The following PGAP1 variants were observed in gnomAD, a reference collection of about 807,000 sequenced individuals.
PGAP1 encodes the protein GPI inositol-deacylase.
In PGAP1, 76 loss-of-function variants were observed where a neutral mutation model predicts 127.0. That is an observed-to-expected ratio of 0.60 (90% confidence interval 0.50 to 0.72). PGAP1 has a LOEUF of 0.72. Among genes scored for constraint, PGAP1 ranks in the 30% least tolerant of loss-of-function variants. The pLI, the probability that PGAP1 is intolerant of heterozygous loss-of-function variation, is 0.00. For synonymous variants in PGAP1, 362 were observed against 366.5 expected (o/e 0.99, Z 0.14); for missense variants, 982 against 1,071.3 (o/e 0.92, Z 1.16).
In PGAP1 at chr2:196,880,148, C is replaced by A; in HGVS notation, c.1278G>T (p.Leu426=). The A allele has an allele frequency of 2.6e-6, 4 of 1,518,462 alleles. No individual in the cohort carries two copies. In the South Asian group the frequency reaches 3.8e-5, roughly 14 times the overall value. The allele number at this position is 1,518,462 out of a possible 1,614,324, so 94.1% of individuals were successfully genotyped here. The change falls in exon 13 of 27, where the codon CTG becomes CTT. Residue 426 remains leucine (L), a synonymous_variant. Transcript: ENST00000354764. ...KAELLPTIKY[L]TLRLQDYPSL... ...ATGGATAGTCTTGAAGTCTTAATGT[C>A]AGATACTAAAATAAAAAAAAAAGAA...
intron 20 of PGAP1, among the ~76,000 whole-genome samples, chr2:196,857,069 T>C (rs1342696062): frequency 6.6e-6 from 1 of 152,116 alleles, no homozygotes; most frequent in African/African-American, 2.4e-5. Context: ...GAGACAGAAA[T>C]AAAGGGCATC....
At chr2:196,867,207 A>C (rs1701270739) in intron 19 of PGAP1, among the ~76,000 whole-genome samples, 1 of 152,210 alleles carries the variant, frequency 6.6e-6, no homozygotes, top group East Asian at 1.9e-4. Flanking sequence ...GGCACTGTTC[A>C]CAATAGCAAA....
intron 20 of PGAP1, among the ~76,000 whole-genome samples, chr2:196,859,015 A>G (rs977843903): frequency 4.6e-5 from 7 of 152,128 alleles, no homozygotes; most frequent in African/African-American, 1.7e-4. Flanking sequence ...AAAAAATAGG[A>G]AACCTGAACA....
chr2:196,885,137 TTAGAAATCCA>T (rs1236376785), intron 12 of PGAP1, among the ~76,000 whole-genome samples: 1 of 152,202 alleles, frequency 6.6e-6, no homozygotes, highest in Non-Finnish European at 1.5e-5. Flanking sequence ...AAATTGAATG[TTAGAAATCCA>T]TCCAGTTCTT....
chr2:196,882,481 G>A (rs1473079548), intron 12 of PGAP1, among the ~76,000 whole-genome samples: 3 of 152,100 alleles, frequency 2.0e-5, no homozygotes, highest in Non-Finnish European at 4.4e-5. Context: ...CCTATCCATG[G>A]TCATGGAATG....
chr2:196,894,398 A>G (rs1018137392), intron 7 of PGAP1, among the ~76,000 whole-genome samples: 1 of 152,168 alleles, frequency 6.6e-6, no homozygotes, highest in Non-Finnish European at 1.5e-5. Context: ...GAACTTTTAT[A>G]CTAATTGATG....
Position 196,926,533 on chromosome 2 carries a change from G to A in PGAP1, c.84C>T (p.Val28=), listed in dbSNP as rs144502622. The part of the protein sequence containing the change: ...VFLATLGLWD[V]FFGFEENKCS... ...ACTTATTCTCCTCGAAGCCGAAGAAGACATCCCACAGCCCCAGGGTTGCCA... is the reference window on the plus strand; with the variant it reads ...ACTTATTCTCCTCGAAGCCGAAGAAAACATCCCACAGCCCCAGGGTTGCCA... Residue 28 remains valine (V), a synonymous_variant, in exon 1 of 27, where the codon GTC becomes GTT. Coordinates refer to ENST00000354764, the MANE Select transcript of PGAP1 (RefSeq NM_024989.4). 45 of 1,612,684 alleles carry A rather than the reference G, an allele frequency of 2.8e-5. No individual in the cohort carries two copies. The highest frequency in any genetic ancestry group is 1.6e-4 in the Middle Eastern group (1 of 6,080).
intron 14 of PGAP1, 102 bp from the exon 15 acceptor site, chr2:196,873,860 T>G: frequency 1.3e-6 from 1 of 791,894 alleles, no homozygotes; most frequent in Non-Finnish European, 2.1e-6. Flanking sequence ...AATTAAAAAT[T>G]TATTTACAGG....
chr2:196,861,060 G>A (rs1441607993), intron 20 of PGAP1, among the ~76,000 whole-genome samples: 1 of 152,030 alleles, frequency 6.6e-6, no homozygotes, highest in Admixed American at 6.6e-5. Context: ...TTTCACTAAA[G>A]GCAACCAAAA....
intron 10 of PGAP1, among the ~76,000 whole-genome samples, chr2:196,889,019 T>C (rs1471692423): frequency 1.3e-5 from 2 of 152,196 alleles, no homozygotes; most frequent in East Asian, 1.9e-4. Context: ...TTATATAAGC[T>C]TGAAAATTTC....
intron 17 of PGAP1, 143 bp downstream of exon 17, chr2:196,872,816 TA>T: frequency 1.8e-6 from 1 of 566,644 alleles, no homozygotes; most frequent in Non-Finnish European, 3.1e-6. Flanking sequence ...TACTATATAT[TA>T]AATTATAGGA....
At chr2:196,905,060 C>T (rs1387411437) in intron 4 of PGAP1, among the ~76,000 whole-genome samples, 2 of 152,148 alleles carry the variant, frequency 1.3e-5, no homozygotes, top group Non-Finnish European at 2.9e-5. Context: ...AGACTAATTA[C>T]AGGAAAGGTA....
At chr2:196,922,612 AC>A in intron 1 of PGAP1, 2 of 755,400 alleles carry the variant, frequency 2.6e-6, no homozygotes, top group African/African-American at 2.0e-5. Context: ...ACACACACAC[AC>A]ACAACAAAGC....
Position 196,892,382 on chromosome 2 carries a change from TA to T in PGAP1, c.1052del (p.Leu351GlnfsTer2). The T allele has an allele frequency of 6.7e-7, 1 of 1,489,262 alleles. No homozygotes were observed. Among genetic ancestry groups the T allele is most frequent in the South Asian group, 1.2e-5 (1 of 82,184 alleles). The allele number at this position is 1,489,262 out of a possible 1,614,324, so 92.3% of individuals were successfully genotyped here. The stretch of plus-strand genomic sequence containing the variant: ...CATAGGTCCATTTGGACACTTTTAC[TA>T]GAACCCACATAGATGTCCCTGAAGG... Reference protein sequence around the residue: ...SDLTGTSMWVLVKVSKWTYVA... With the variant: ...SDLTGTSMWVXVKVSKWTYVA... On this transcript the variant is annotated frameshift_variant, in exon 9 of 27. Transcript: ENST00000354764. LOFTEE classifies it high-confidence loss of function.
intron 4 of PGAP1, among the ~76,000 whole-genome samples, chr2:196,904,495 T>C (rs1012345919): frequency 2.0e-5 from 3 of 152,104 alleles, no homozygotes; most frequent in African/African-American, 7.2e-5. Context: ...CCCAGCACTT[T>C]GGGAGGCCGA....
chr2:196,893,027 T>C, intron 8 of PGAP1, 113 bp downstream of exon 8: 2 of 522,816 alleles, frequency 3.8e-6, no homozygotes, highest in Non-Finnish European at 6.7e-6. Flanking sequence ...TATAATAGGA[T>C]CCTAAAACTT....
Position 196,847,157 on chromosome 2 carries a change from C to G in PGAP1, c.1996G>C (p.Glu666Gln), listed in dbSNP as rs1700580071. Residue 666 changes from glutamate to glutamine, a missense_variant, in exon 22 of 27, where the codon GAA becomes CAA. Coordinates refer to ENST00000354764, the MANE Select transcript of PGAP1 (RefSeq NM_024989.4). ...KELWDVLLLP[E>Q]LDAVILTCQS... ...CAAGTTAAAATGACGGCATCTAATT[C>G]TGGTAACAATAATACATCCCACAAT... is the stretch of plus-strand genomic sequence containing the variant. 6.2e-7 allele frequency: 1 copy of G among 1,612,918 alleles called. No individual in the cohort carries two copies. Among genetic ancestry groups the G allele is most frequent in the Admixed American group, 1.7e-5 (1 of 59,982 alleles).
At chr2:196,863,124 G>A (rs1701120669) in intron 20 of PGAP1, among the ~76,000 whole-genome samples, 1 of 152,148 alleles carries the variant, frequency 6.6e-6, no homozygotes, top group African/African-American at 2.4e-5. Flanking sequence ...TGGTACAAAT[G>A]TAAATTAGTA....
chr2:196,855,287 C>CT (rs1420025196), intron 20 of PGAP1, among the ~76,000 whole-genome samples: 2 of 143,364 alleles, frequency 1.4e-5, no homozygotes, highest in African/African-American at 5.3e-5. Context: ...GATCGAGCCA[C>CT]TGCACTCTAG....
Sources: gnomAD v4.1 joint callset for allele counts (sites outside exome capture counted in the v4.1 genomes callset) on GRCh38, gnomAD v4.1.1 for gene constraint, MANE v1.5 for transcripts, NCBI Gene and HGNC (gene_info 2026-07-23, HGNC 2026-07-21) for gene names.